The following ASPH variants were observed in gnomAD, a reference collection of about 807,000 sequenced individuals.
ASPH encodes aspartyl/asparaginyl beta-hydroxylase.
Under a neutral mutation model 118.4 loss-of-function variants are expected in ASPH, and 100 were observed. That is an observed-to-expected ratio of 0.84 (90% CI 0.72 to 1.00). The LOEUF (loss-of-function observed/expected upper bound fraction) is 1.00. Ranked by LOEUF, ASPH falls within the 50% of genes least tolerant of loss-of-function variation. The pLI is 0.00. For synonymous variants in ASPH, 315 were observed against 325.6 expected, an observed-to-expected ratio of 0.97 and a Z score of 0.35; for missense variants, 920 against 919.5, an observed-to-expected ratio of 1.00 and a Z score of -0.01.
chr8:61,597,298 C>G (rs1333689535), intron 14 of ASPH, among the ~76,000 whole-genome samples: 5 of 151,738 alleles, frequency 3.3e-5, no homozygotes, highest in Non-Finnish European at 5.9e-5. Context: ...ATATGCATCG[C>G]TTGAGCTCAG....
intron 1 of ASPH, among the ~76,000 whole-genome samples, chr8:61,693,294 G>A (rs749492107): frequency 1.2e-4 from 18 of 152,052 alleles, no homozygotes; most frequent in Non-Finnish European, 2.2e-4. Flanking sequence ...CCTAATTCAT[G>A]TTCCTCTTCA....
chr8:61,557,068 T>A (rs905883986), intron 18 of ASPH, among the ~76,000 whole-genome samples: 5 of 152,180 alleles, frequency 3.3e-5, no homozygotes, highest in Admixed American at 6.5e-5. Context: ...ATGTGTCACT[T>A]CCTTCACCAC....
At chr8:61,587,319 A>G (rs1839772749) in intron 14 of ASPH, among the ~76,000 whole-genome samples, 1 of 152,186 alleles carries the variant, frequency 6.6e-6, no homozygotes. Context: ...TCTCTGTGAC[A>G]CAGATTGATG....
intron 1 of ASPH, among the ~76,000 whole-genome samples, chr8:61,698,517 T>A (rs372897528): frequency 1.4e-4 from 22 of 152,340 alleles, no homozygotes; most frequent in African/African-American, 5.1e-4. Flanking sequence ...CCAGGAACCA[T>A]CTTTTTAGTT....
At chr8:61,656,940 T>G (rs1211151821) in intron 3 of ASPH, 2 of 152,228 alleles carry the variant, frequency 1.3e-5, no homozygotes, top group Non-Finnish European at 2.9e-5. Flanking sequence ...CTTACTAAAT[T>G]GTATGTTGTA....
chr8:61,511,137 T>C (rs957821179), intron 24 of ASPH, among the ~76,000 whole-genome samples: 1 of 152,212 alleles, frequency 6.6e-6, no homozygotes, highest in African/African-American at 2.4e-5. Context: ...TTAGCATGAC[T>C]TTCACACAAT....
intron 17 of ASPH, among the ~76,000 whole-genome samples, chr8:61,564,255 T>C (rs1830885546): frequency 1.3e-5 from 2 of 151,822 alleles, no homozygotes; most frequent in South Asian, 2.1e-4. Context: ...AGCAGAGCCA[T>C]AGTGGAGACT....
In ASPH at chr8:61,500,574, T is replaced by G. The variant is rs1414713252; in HGVS notation, c.*2785A>C. ...TGCAGGATGAAATGTCAAAGGTCAT[T>G]TTATTTACCTAGTCTCCTTAGAAAT... On this transcript the variant is annotated 3_prime_UTR_variant, in exon 25 of 25. Transcript: ENST00000379454. 1.3e-5 allele frequency: 2 copies of G among 152,156 alleles called. No homozygotes were observed. The highest frequency in any genetic ancestry group is 6.5e-5 in the Admixed American group (1 of 15,278). 9.4% of individuals were successfully genotyped at this position (152,156 alleles called of 1,614,324 possible). A position where few individuals can be genotyped will look rare whatever the true frequency, so the allele number is the denominator to read the frequency against.
At position 61,637,912 on chromosome 8, in the gene ASPH, T is replaced by C. The variant is rs200976341; in HGVS notation, c.889+35A>G. On this transcript the variant is annotated intron_variant, in intron 12 of 24. Transcript: ENST00000379454. ...TGAATAAACAAACACAATTCTCATA[T>C]GGAAGGTAAAACCACTTCCATAAAT... 119 of 1,565,544 alleles carry C rather than the reference T, an allele frequency of 7.6e-5. No individual in the cohort carries two copies. The East Asian group carries it at 2.4e-3, about 32-fold the overall frequency.
rs567403582 is a variant in ASPH at position 61,673,820 on chromosome 8, T to A, written c.322+7148A>T. Reference sequence around the variant, plus strand: ...ATAAAATACCTTTATTTTATCTCTCTCACACACACACACACACAAGCCTTA... The same window carrying A: ...ATAAAATACCTTTATTTTATCTCTCACACACACACACACACACAAGCCTTA... On this transcript the variant is annotated intron_variant, in intron 3 of 24. Transcript: ENST00000379454. Among the ~76,000 whole-genome samples, 204 of 150,852 alleles carry A rather than the reference T, an allele frequency of 1.4e-3. 2 individuals carry two copies. Among genetic ancestry groups the A allele is most frequent in the Non-Finnish European group, 1.9e-3 (129 of 67,554 alleles).
chr8:61,518,590 C>T (rs1811761827), intron 22 of ASPH, among the ~76,000 whole-genome samples: 1 of 151,962 alleles, frequency 6.6e-6, no homozygotes, highest in Non-Finnish European at 1.5e-5. Context: ...ATACTATAGT[C>T]TTACACTAAA....
intron 18 of ASPH, among the ~76,000 whole-genome samples, chr8:61,561,793 T>C (rs926366762): frequency 3.9e-5 from 6 of 152,200 alleles, no homozygotes; most frequent in Non-Finnish European, 1.5e-5. Flanking sequence ...CTGGGCATGG[T>C]GGCATGTGCC....
chr8:61,521,465 G>A (rs1024707686), intron 22 of ASPH, among the ~76,000 whole-genome samples: 18 of 152,310 alleles, frequency 1.2e-4, no homozygotes, highest in African/African-American at 4.3e-4. Context: ...GAGATTCAGG[G>A]ACATGCACAC....
intron 1 of ASPH, among the ~76,000 whole-genome samples, chr8:61,701,602 G>C (rs1835258082): frequency 6.6e-6 from 1 of 152,168 alleles, no homozygotes; most frequent in African/African-American, 2.4e-5. Context: ...AGGCTCCCTA[G>C]GTCTCCAGGT....
intron 15 of ASPH, among the ~76,000 whole-genome samples, chr8:61,582,844 T>C (rs970060688): frequency 1.3e-5 from 2 of 152,132 alleles, no homozygotes; most frequent in African/African-American, 4.8e-5. Flanking sequence ...TAATGAACAT[T>C]ACAGAGTCTA....
chr8:61,535,685 GTTA>G (rs1819211760), intron 21 of ASPH, among the ~76,000 whole-genome samples: 1 of 152,218 alleles, frequency 6.6e-6, no homozygotes, highest in Admixed American at 6.5e-5. Flanking sequence ...CTTGTCATTA[GTTA>G]TTATTTGAGG....
intron 5 of ASPH, among the ~76,000 whole-genome samples, chr8:61,649,484 G>A (rs184587061): frequency 1.1e-3 from 174 of 152,148 alleles, no homozygotes; most frequent in African/African-American, 4.0e-3. Context: ...TGAGCAATGA[G>A]GGCTGCAGCT....
intron 14 of ASPH, among the ~76,000 whole-genome samples, chr8:61,590,642 T>C (rs1036889486): frequency 1.2e-4 from 18 of 152,058 alleles, no homozygotes; most frequent in Admixed American, 2.6e-4. Context: ...AGGAAAATAA[T>C]GTGCATCTTG....
Position 61,582,708 on chromosome 8 carries a change from C to T in ASPH, c.1062+1236G>A, listed in dbSNP as rs541075826. Among the ~76,000 whole-genome samples, 4 of 152,302 alleles carry T rather than the reference C, an allele frequency of 2.6e-5. No homozygotes were observed. The East Asian group carries it at 7.7e-4, about 29-fold the overall frequency. On this transcript the variant is annotated intron_variant, in intron 15 of 24. Transcript: ENST00000379454. ...GGTACACTTTCAATAAACATGCGGA[C>T]GTACATTCTTGTCCCATTTTAGTTC...
Sources: allele counts gnomAD v4.1 joint callset (sites outside exome capture counted in the v4.1 genomes callset), GRCh38; gene constraint gnomAD v4.1.1; transcripts MANE v1.5; gene names NCBI Gene and HGNC (gene_info 2026-07-23, HGNC 2026-07-21).